Variants in UBAP2 observed in about 807,000 individuals in gnomAD.
The protein encoded by UBAP2 is ubiquitin-associated protein 2.
Under a neutral mutation model 139.6 loss-of-function variants are expected in UBAP2, and 75 were observed. The ratio of observed to expected loss-of-function variants is 0.54; its 90% CI spans 0.45 to 0.65. UBAP2 has a LOEUF of 0.65. Ranked by LOEUF, UBAP2 falls within the 30% of genes least tolerant of loss-of-function variation. UBAP2 has a pLI of 0.00. For synonymous variants in UBAP2, 526 were observed against 526.2 expected (o/e 1.00, Z 0.01); for missense variants, 1,368 against 1,369.6 (o/e 1.00, Z 0.02).
chr9:33,979,965 C>T (rs769386898), intron 6 of UBAP2, among the ~76,000 whole-genome samples: 2 of 148,842 alleles, frequency 1.3e-5, no homozygotes, highest in African/African-American at 4.9e-5. Flanking sequence ...CCCAGCTACT[C>T]GGGAGGCTAA....
intron 3 of UBAP2, 62 bp downstream of exon 3, chr9:33,998,725 A>G: frequency 6.8e-7 from 1 of 1,475,080 alleles, no homozygotes; most frequent in Non-Finnish European, 9.3e-7. Context: ...TACTGAAATT[A>G]TCTTTTTAAG....
intron 6 of UBAP2, among the ~76,000 whole-genome samples, chr9:33,973,845 C>A (rs898436207): frequency 6.6e-6 from 1 of 152,150 alleles, no homozygotes; most frequent in Non-Finnish European, 1.5e-5. Context: ...GCAATGATTT[C>A]TTGAGTATGA....
intron 16 of UBAP2, among the ~76,000 whole-genome samples, chr9:33,936,699 G>A (rs1452505665): frequency 6.6e-6 from 1 of 152,010 alleles, no homozygotes; most frequent in Non-Finnish European, 1.5e-5. Context: ...TACCACTATA[G>A]ATCTCAGAAA....
intron 7 of UBAP2, among the ~76,000 whole-genome samples, chr9:33,972,790 G>T (rs190488940): frequency 4.4e-4 from 67 of 152,206 alleles, no homozygotes; most frequent in African/African-American, 1.5e-3. Context: ...AAAGACAATG[G>T]CTGGATTAAC....
chr9:34,023,827 G>A (rs1270793032), intron 1 of UBAP2, among the ~76,000 whole-genome samples: 3 of 151,388 alleles, frequency 2.0e-5, no homozygotes, highest in African/African-American at 4.9e-5. Context: ...GGCGGATCAC[G>A]AGGTCAGGAG....
rs571025660 is a variant in UBAP2 at position 34,016,161 on chromosome 9, AGAG to A, written c.99+886_99+888del. Among the ~76,000 whole-genome samples the A allele has an allele frequency of 3.3e-3, 493 of 149,216 alleles. 8 individuals are homozygous for A. The highest frequency in any genetic ancestry group is 9.6e-3 in the East Asian group (49 of 5,086). ...GGGAAGCAGAGCAAGGTGAAAGGGGAGAGGAGGAGGAGGAGGAGGAAGAGGAGG... is the reference window on the plus strand; with the variant it reads ...GGGAAGCAGAGCAAGGTGAAAGGGGAGAGGAGGAGGAGGAGGAAGAGGAGG... On this transcript the variant is annotated intron_variant, in intron 2 of 28. Transcript: ENST00000379238.
chr9:34,029,364 C>T (rs1825685531), intron 1 of UBAP2, among the ~76,000 whole-genome samples: 1 of 150,088 alleles, frequency 6.7e-6, no homozygotes, highest in Non-Finnish European at 1.5e-5. Flanking sequence ...CTTGTCTCTA[C>T]TAAAAATATA....
intron 1 of UBAP2, among the ~76,000 whole-genome samples, chr9:34,043,307 G>A (rs956741533): frequency 6.6e-6 from 1 of 151,918 alleles, no homozygotes; most frequent in African/African-American, 2.4e-5. Flanking sequence ...GAGTAGCTGG[G>A]ACTACAAGCA....
intron 14 of UBAP2, among the ~76,000 whole-genome samples, chr9:33,943,968 T>C (rs961775174): frequency 6.6e-6 from 1 of 151,966 alleles, no homozygotes; most frequent in African/African-American, 2.4e-5. Flanking sequence ...ACCACCTGCA[T>C]CTAAGAGCAA....
At position 33,949,728 on chromosome 9, in the gene UBAP2, C is replaced by T. The variant is rs533643899; in HGVS notation, c.1057-1141G>A. Among the ~76,000 whole-genome samples the T allele has an allele frequency of 4.5e-4, 68 of 152,124 alleles. 1 individual carries two copies. In the South Asian group the frequency reaches 6.8e-3, roughly 15 times the overall value. On this transcript the variant is annotated intron_variant, in intron 12 of 28. Transcript: ENST00000379238. ...TCATGTGTGTGTGCGCGCATGCACG[C>T]GCACACACGCACAAGATCAAATACA...
intron 6 of UBAP2, among the ~76,000 whole-genome samples, chr9:33,980,628 T>C (rs574240921): frequency 3.0e-4 from 46 of 152,188 alleles, no homozygotes; most frequent in African/African-American, 1.0e-3. Context: ...TATTGATATC[T>C]TTTTCTGCAT....
Position 33,941,702 on chromosome 9 carries a change from T to A in UBAP2, c.1876A>T (p.Ile626Phe). ...GAACTCACAGGGCTTTGGTATGGGA[T>A]CCTGTTATGCACAGAACTCTGGTCA... ...SYDQSSVHNRIPYQSPVSSSE... is the reference protein window; with the variant it reads ...SYDQSSVHNRFPYQSPVSSSE... Residue 626 changes from isoleucine to phenylalanine, a missense_variant, in exon 16 of 29, where the codon ATC becomes TTC. Coordinates refer to ENST00000379238, the MANE Select transcript of UBAP2 (RefSeq NM_001370062.2). 1.2e-6 allele frequency: 2 copies of A among 1,614,184 alleles called. No individual in the cohort carries two copies. The highest frequency in any genetic ancestry group is 1.7e-6 in the Non-Finnish European group (2 of 1,180,034).
rs1486332875 is a variant in UBAP2, at chr9:33,948,562, C to G, written c.1082G>C (p.Gly361Ala). ...TGCCATTTTTGGTGGTGCAAGCTCTCCAAATCCTGAGCCAAGGACGGATGA... is the reference window on the plus strand; with the variant it reads ...TGCCATTTTTGGTGGTGCAAGCTCTGCAAATCCTGAGCCAAGGACGGATGA... ...SLSSVLGSGF[G>A]ELAPPKMANI... Residue 361 changes from glycine to alanine, a missense_variant, in exon 13 of 29, where the codon GGA becomes GCA. Gly to Ala is a moderately conservative substitution (Grantham distance 60). Transcript: ENST00000379238. The G allele has an allele frequency of 6.2e-7, 1 of 1,614,136 alleles. No individual in the cohort carries two copies. Among genetic ancestry groups the G allele is most frequent in the Non-Finnish European group, 8.5e-7 (1 of 1,180,024 alleles).
At chr9:33,925,657 G>C (rs1823365601) in intron 22 of UBAP2, among the ~76,000 whole-genome samples, 1 of 152,214 alleles carries the variant, frequency 6.6e-6, no homozygotes, top group Admixed American at 6.5e-5. Flanking sequence ...TCCCAGGCTA[G>C]GCCTCTGCTT....
chr9:33,986,372 G>A (rs552739005), intron 6 of UBAP2, among the ~76,000 whole-genome samples: 24 of 152,218 alleles, frequency 1.6e-4, no homozygotes, highest in African/African-American at 5.8e-4. Context: ...GTGAGGACTA[G>A]AGCAAAAAGA....
In UBAP2 at chr9:34,002,382, T is replaced by C. The variant is rs943724306; in HGVS notation, c.100-3518A>G. ...GACAATCCACTGCATAGGTGCTTTT[T>C]TTTTTTTTTTTTTTGAGACAGAGTC... is the stretch of plus-strand genomic sequence containing the variant. On this transcript the variant is annotated intron_variant, in intron 2 of 28. Coordinates refer to ENST00000379238, the MANE Select transcript of UBAP2 (RefSeq NM_001370062.2). 1.1e-4 allele frequency among the ~76,000 whole-genome samples: 14 copies of C among 127,132 alleles called. 1 individual carries two copies. The highest frequency in any genetic ancestry group is 1.0e-3 in the Admixed American group (14 of 13,452). 83.4% of individuals were successfully genotyped at this position (127,132 alleles called of 152,430 possible).
intron 8 of UBAP2, among the ~76,000 whole-genome samples, chr9:33,968,936 AAT>A (rs1176975499): frequency 6.6e-6 from 1 of 152,172 alleles, no homozygotes; most frequent in Non-Finnish European, 1.5e-5. Context: ...CATAAAATAC[AAT>A]ATATGTGGTC....
intron 6 of UBAP2, among the ~76,000 whole-genome samples, chr9:33,974,062 T>A (rs1219974450): frequency 6.6e-6 from 1 of 152,032 alleles, no homozygotes; most frequent in Non-Finnish European, 1.5e-5. Flanking sequence ...TTTATGGGCA[T>A]GTGCCTCTAA....
chr9:33,926,375 C>T (rs1463514828), intron 22 of UBAP2, among the ~76,000 whole-genome samples: 2 of 152,176 alleles, frequency 1.3e-5, no homozygotes, highest in African/African-American at 4.8e-5. Context: ...CATGGCCTAC[C>T]AGGGCCCCAG....
Sources: gnomAD v4.1 joint callset for allele counts (sites outside exome capture counted in the v4.1 genomes callset) on GRCh38, gnomAD v4.1.1 for gene constraint, MANE v1.5 for transcripts, NCBI Gene and HGNC (gene_info 2026-07-23, HGNC 2026-07-21) for gene names.